The following MLLT3 variants were observed in gnomAD, a reference collection of about 807,000 sequenced individuals.
MLLT3 encodes the protein MLLT3 super elongation complex subunit.
Under a neutral mutation model 53.2 loss-of-function variants are expected in MLLT3, and 4 were observed. The ratio of observed to expected loss-of-function variants is 0.08; its 90% CI spans 0.04 to 0.17. The LOEUF is 0.17. Among genes scored for constraint, MLLT3 ranks in the 10% least tolerant of loss-of-function variants. The pLI, the probability that MLLT3 is intolerant of heterozygous loss-of-function variation, is 1.00. For missense variants in MLLT3, 569 were observed against 684.0 expected (o/e 0.83, Z 1.87); for synonymous variants, 283 against 230.6 (o/e 1.23, Z -2.06).
chr9:20,532,961 T>C (rs1818383999), intron 2 of MLLT3: 1 of 260,114 alleles, frequency 3.8e-6, no homozygotes, highest in Non-Finnish European at 7.5e-6. Context: ...CACCTGTCCT[T>C]CGAGCAGGAG....
chr9:20,346,777 G>T (rs1266543117), intron 10 of MLLT3, among the ~76,000 whole-genome samples: 2 of 152,112 alleles, frequency 1.3e-5, no homozygotes, highest in African/African-American at 4.8e-5. Flanking sequence ...GAAATTCCCA[G>T]TGAGAACCTG....
intron 4 of MLLT3, among the ~76,000 whole-genome samples, chr9:20,445,110 G>A (rs554455188): frequency 7.2e-5 from 11 of 151,756 alleles, no homozygotes; most frequent in African/African-American, 1.7e-4. Flanking sequence ...AAAAAAGTTC[G>A]TCGGGCTAGA....
At chr9:20,603,689 T>C (rs985335386) in intron 2 of MLLT3, among the ~76,000 whole-genome samples, 2 of 152,076 alleles carry the variant, frequency 1.3e-5, no homozygotes, top group African/African-American at 2.4e-5. Flanking sequence ...CAGCTGGAGA[T>C]GGCTGGAAAG....
intron 2 of MLLT3, among the ~76,000 whole-genome samples, chr9:20,586,806 G>A (rs888073150): frequency 6.6e-6 from 1 of 152,154 alleles, no homozygotes; most frequent in Non-Finnish European, 1.5e-5. Flanking sequence ...GGAGCCAGCA[G>A]AGGGGAGCAA....
At chr9:20,446,182 C>T (rs1430522651) in intron 4 of MLLT3, among the ~76,000 whole-genome samples, 2 of 152,134 alleles carry the variant, frequency 1.3e-5, no homozygotes, top group Non-Finnish European at 2.9e-5. Flanking sequence ...TGATTAGTCC[C>T]TTAAGTAACT....
chr9:20,389,499 G>C (rs1243444138), intron 5 of MLLT3, among the ~76,000 whole-genome samples: 1 of 152,196 alleles, frequency 6.6e-6, no homozygotes, highest in Non-Finnish European at 1.5e-5. Context: ...TTTAGACCAG[G>C]CATGGTGGCT....
intron 3 of MLLT3, among the ~76,000 whole-genome samples, chr9:20,450,936 AAT>A (rs1823825302): frequency 6.6e-6 from 1 of 152,154 alleles, no homozygotes; most frequent in African/African-American, 2.4e-5. Context: ...CAACATACCA[AAT>A]ATATATAATG....
chr9:20,421,466 A>C (rs1823007038), intron 4 of MLLT3, among the ~76,000 whole-genome samples: 1 of 152,136 alleles, frequency 6.6e-6, no homozygotes, highest in African/African-American at 2.4e-5. Flanking sequence ...TAAACTTAGT[A>C]TTCACTTTGA....
intron 2 of MLLT3, among the ~76,000 whole-genome samples, chr9:20,490,565 G>C (rs1267556245): frequency 6.6e-6 from 1 of 152,196 alleles, no homozygotes. Flanking sequence ...CCTGGGAGCA[G>C]ATTCTTCCCA....
At chr9:20,445,568 C>A (rs1465459333) in intron 4 of MLLT3, among the ~76,000 whole-genome samples, 1 of 152,082 alleles carries the variant, frequency 6.6e-6, no homozygotes, top group Non-Finnish European at 1.5e-5. Context: ...AACATTTTTT[C>A]CAAGATGCTC....
intron 2 of MLLT3, among the ~76,000 whole-genome samples, chr9:20,612,976 T>G (rs73434584): frequency 6.6e-6 from 1 of 152,138 alleles, no homozygotes; most frequent in East Asian, 1.9e-4. Flanking sequence ...CAAGGTAACA[T>G]GCACAAAGAT....
rs1389577875 is a variant in MLLT3 at position 20,620,287 on chromosome 9, A to ACG, written c.193+366_193+367insCG. On this transcript the variant is annotated intron_variant, in intron 2 of 10. Transcript: ENST00000380338. The surrounding 1 kb of genome is among the most constrained non-coding windows in gnomAD (Gnocchi z 6.1). ...CACACACACACACACACACACACAC[A>ACG]CACACACGCGCAAAGTGTTTATTCC... 5.6e-4 allele frequency among the ~76,000 whole-genome samples: 77 copies of ACG among 138,656 alleles called. 1 individual carries two copies. The highest frequency in any genetic ancestry group is 2.0e-3 in the African/African-American group (71 of 35,290). The allele number at this position is 138,656 out of a possible 152,430, so 91.0% of individuals were successfully genotyped here. A position where few individuals can be genotyped will look rare whatever the true frequency, so the allele number is the denominator to read the frequency against.
At chr9:20,399,012 C>A (rs1384281734) in intron 5 of MLLT3, among the ~76,000 whole-genome samples, 1 of 152,160 alleles carries the variant, frequency 6.6e-6, no homozygotes, top group Admixed American at 6.5e-5. Flanking sequence ...GCTGCCCGGG[C>A]AGGTAAGAGT....
At chr9:20,395,379 G>A (rs1025371770) in intron 5 of MLLT3, among the ~76,000 whole-genome samples, 30 of 152,254 alleles carry the variant, frequency 2.0e-4, no homozygotes, top group African/African-American at 7.0e-4. Context: ...GCTAATAAGG[G>A]CCTGGAGGCT....
intron 2 of MLLT3, among the ~76,000 whole-genome samples, chr9:20,593,945 T>TC (rs2131189375): frequency 6.6e-6 from 1 of 152,040 alleles, no homozygotes; most frequent in African/African-American, 2.4e-5. Context: ...GTTCTCATTT[T>TC]TTTTTTTTTT....
At chr9:20,424,838 C>T (rs988790149) in intron 4 of MLLT3, among the ~76,000 whole-genome samples, 1 of 152,126 alleles carries the variant, frequency 6.6e-6, no homozygotes, top group Non-Finnish European at 1.5e-5. Context: ...ATTACCTATA[C>T]CACAAAGTGA....
intron 2 of MLLT3, among the ~76,000 whole-genome samples, chr9:20,514,072 G>C (rs1353974194): frequency 6.6e-6 from 1 of 152,108 alleles, no homozygotes. Flanking sequence ...GGAGTAAGGG[G>C]TTGACTGATA....
chr9:20,391,843 A>G (rs1000781684), intron 5 of MLLT3, among the ~76,000 whole-genome samples: 7 of 152,206 alleles, frequency 4.6e-5, no homozygotes, highest in Non-Finnish European at 1.0e-4. Context: ...AGCAGCTAGA[A>G]ATTATGCAAG....
chr9:20,600,147 A>AAC (rs1369126073), intron 2 of MLLT3, among the ~76,000 whole-genome samples: 6 of 150,924 alleles, frequency 4.0e-5, no homozygotes, highest in Admixed American at 3.3e-4. Context: ...ACAAAAAACA[A>AAC]AAAAAAAACA....
Sources: gnomAD v4.1 joint callset for allele counts (sites outside exome capture counted in the v4.1 genomes callset) on GRCh38, gnomAD v4.1.1 for gene constraint, Gnocchi (gnomAD v3.1) non-coding constraint, MANE v1.5 for transcripts, NCBI Gene and HGNC (gene_info 2026-07-23, HGNC 2026-07-21) for gene names.